ZNF385D: variants seen among roughly 807,000 people sequenced by gnomAD.
ZNF385D encodes the protein zinc finger protein 659.
A neutral mutation model predicts 35.8 loss-of-function variants in ZNF385D; 15 were observed. The ratio of observed to expected loss-of-function variants is 0.42; its 90% CI spans 0.28 to 0.64. The LOEUF is 0.64. Ranked by LOEUF, ZNF385D falls within the 30% of genes least tolerant of loss-of-function variation. ZNF385D has a pLI of 0.23. For missense variants in ZNF385D, 474 were observed against 494.6 expected (o/e 0.96, Z 0.39); for synonymous variants, 212 against 186.8 (o/e 1.13, Z -1.10).
chr3:21,831,595 T>C (rs1456104174), intron 3 of ZNF385D, among the ~76,000 whole-genome samples: 1 of 152,186 alleles, frequency 6.6e-6, no homozygotes, highest in Non-Finnish European at 1.5e-5. Context: ...TTACTGAGTT[T>C]AAATCTGGTT....
At chr3:21,707,503 T>C (rs548805633) in intron 1 of ZNF385D, among the ~76,000 whole-genome samples, 2 of 152,304 alleles carry the variant, frequency 1.3e-5, no homozygotes, top group South Asian at 4.1e-4. Context: ...TTAATGACAT[T>C]GTGAGTGCTT....
chr3:21,589,916 C>G (rs950758038), intron 2 of ZNF385D, among the ~76,000 whole-genome samples: 6 of 152,092 alleles, frequency 3.9e-5, no homozygotes, highest in African/African-American at 1.4e-4. Flanking sequence ...TAGTAGCACT[C>G]TTTGGTAACT....
chr3:22,140,527 C>T (rs1291903207), intron 3 of ZNF385D, among the ~76,000 whole-genome samples: 2 of 151,924 alleles, frequency 1.3e-5, no homozygotes, highest in Non-Finnish European at 2.9e-5. Flanking sequence ...GAACTATACC[C>T]CCCCAAAAAC....
intron 3 of ZNF385D, among the ~76,000 whole-genome samples, chr3:21,901,498 G>C (rs941191247): frequency 1.3e-5 from 2 of 152,170 alleles, no homozygotes; most frequent in Admixed American, 6.6e-5. Flanking sequence ...ATAGTTACAG[G>C]AGTAATAAAA....
chr3:22,340,885 C>T (rs79873956), intron 2 of ZNF385D, among the ~76,000 whole-genome samples: 1 of 152,186 alleles, frequency 6.6e-6, no homozygotes, highest in East Asian at 1.9e-4. Context: ...TCGACTATCA[C>T]AAGGGAATTC....
intron 3 of ZNF385D, among the ~76,000 whole-genome samples, chr3:22,107,814 T>G (rs1702305366): frequency 1.3e-5 from 2 of 152,058 alleles, no homozygotes; most frequent in African/African-American, 2.4e-5. Flanking sequence ...CTTGTTTATG[T>G]CTATATTTAT....
intron 3 of ZNF385D, among the ~76,000 whole-genome samples, chr3:21,781,801 C>T (rs1188079308): frequency 6.6e-6 from 1 of 151,200 alleles, no homozygotes; most frequent in Admixed American, 6.6e-5. Context: ...AAAATTCTTA[C>T]AAGTAGATTT....
intron 2 of ZNF385D, among the ~76,000 whole-genome samples, chr3:22,239,287 C>A (rs1169043344): frequency 6.6e-6 from 1 of 150,916 alleles, no homozygotes; most frequent in Non-Finnish European, 1.5e-5. Context: ...GTGCGTGGTG[C>A]TTTCACGCTA....
chr3:22,173,733 C>T (rs1309289922), intron 2 of ZNF385D, among the ~76,000 whole-genome samples: 1 of 152,110 alleles, frequency 6.6e-6, no homozygotes, highest in African/African-American at 2.4e-5. Context: ...ATGACCTTCT[C>T]CTATCTTCTT....
intron 3 of ZNF385D, among the ~76,000 whole-genome samples, chr3:22,003,237 C>G (rs1695963268): frequency 6.6e-6 from 1 of 152,096 alleles, no homozygotes; most frequent in African/African-American, 2.4e-5. Context: ...TTGCAGGATA[C>G]AAAAATCAAC....
chr3:21,888,538 G>A (rs1307667758), intron 3 of ZNF385D, among the ~76,000 whole-genome samples: 1 of 152,144 alleles, frequency 6.6e-6, no homozygotes, highest in Non-Finnish European at 1.5e-5. Context: ...ACAACCGAGA[G>A]TTTATTAGTA....
intron 2 of ZNF385D, among the ~76,000 whole-genome samples, chr3:22,264,312 T>A (rs935340944): frequency 4.6e-5 from 7 of 152,112 alleles, no homozygotes; most frequent in African/African-American, 1.7e-4. Flanking sequence ...GAAAGGAAGT[T>A]CACAGGGTCC....
At position 22,031,453 on chromosome 3, in the gene ZNF385D, A is replaced by G. The variant is rs552245322; in HGVS notation, c.325+137364T>C. Among the ~76,000 whole-genome samples, 9 of 152,338 alleles carry G rather than the reference A, an allele frequency of 5.9e-5. No homozygotes were observed. The South Asian group carries it at 1.9e-3, about 32-fold the overall frequency. ...ACCCGTAGACCCAACACCATGTGGA[A>G]GCCTCCAAGGCTTGGGTCTTGCACC... On this transcript the variant is annotated intron_variant, in intron 3 of 5. Transcript: ENST00000494108.
At chr3:22,311,928 CTTCA>C (rs1178559053) in intron 2 of ZNF385D, among the ~76,000 whole-genome samples, 2 of 152,072 alleles carry the variant, frequency 1.3e-5, no homozygotes, top group East Asian at 3.9e-4. Flanking sequence ...AATGTTCAGT[CTTCA>C]TTGAGGCTAC....
chr3:22,114,320 T>G (rs1702699631), intron 3 of ZNF385D, among the ~76,000 whole-genome samples: 1 of 152,114 alleles, frequency 6.6e-6, no homozygotes, highest in Non-Finnish European at 1.5e-5. Flanking sequence ...ATGTGATACG[T>G]AGAAAACTGA....
intron 3 of ZNF385D, among the ~76,000 whole-genome samples, chr3:21,980,677 A>AG (rs1235030664): frequency 6.6e-6 from 1 of 152,120 alleles, no homozygotes. Context: ...TATTAAGCCC[A>AG]GTATCCAATA....
intron 3 of ZNF385D, among the ~76,000 whole-genome samples, chr3:21,879,403 G>A (rs376394198): frequency 1.2e-4 from 18 of 152,024 alleles, no homozygotes; most frequent in African/African-American, 4.1e-4. Context: ...TCTTGTCTTT[G>A]TTCTTAATAT....
At chr3:22,282,684 T>C (rs182182177) in intron 2 of ZNF385D, among the ~76,000 whole-genome samples, 1 of 152,080 alleles carries the variant, frequency 6.6e-6, no homozygotes, top group East Asian at 1.9e-4. Context: ...TTCCATGTGT[T>C]GATGAATAGA....
chr3:21,988,714 G>A (rs2125389471), intron 3 of ZNF385D, among the ~76,000 whole-genome samples: 1 of 151,882 alleles, frequency 6.6e-6, no homozygotes, highest in South Asian at 2.1e-4. Context: ...GAGCTTCCTG[G>A]CTGCTTTGTT....
Sources: allele counts gnomAD v4.1 joint callset (sites outside exome capture counted in the v4.1 genomes callset), GRCh38; gene constraint gnomAD v4.1.1; transcripts MANE v1.5; gene names NCBI Gene and HGNC (gene_info 2026-07-23, HGNC 2026-07-21).